The following ZNF778 variants were observed in gnomAD, a reference collection of about 807,000 sequenced individuals.
ZNF778 encodes the protein zinc finger protein 778.
ZNF778 carries 37 observed loss-of-function variants against 23.9 expected under a neutral mutation model. The observed-to-expected ratio is 1.54, with a 90% CI of 1.19 to 2.03. The LOEUF (loss-of-function observed/expected upper bound fraction) is 2.03. ZNF778 is among the 30% of genes most tolerant of loss of function. The pLI is 0.00. For missense variants in ZNF778, 1,297 were observed against 934.4 expected, an observed-to-expected ratio of 1.39 and a Z score of -5.06; for synonymous variants, 483 against 343.9, an observed-to-expected ratio of 1.40 and a Z score of -4.48.
Position 89,235,290 on chromosome 16 carries a change from T to A in ZNF778, c.*6728T>A, listed in dbSNP as rs187783375. 5 of 152,052 alleles carry A rather than the reference T, an allele frequency of 3.3e-5. No homozygotes were observed. Among genetic ancestry groups the A allele is most frequent in the African/African-American group, 1.2e-4 (5 of 41,490 alleles). The allele number at this position is 152,052 out of a possible 1,614,324, so 9.4% of individuals were successfully genotyped here. A position where few individuals can be genotyped will look rare whatever the true frequency, so the allele number is the denominator to read the frequency against. On this transcript the variant is annotated 3_prime_UTR_variant, in exon 7 of 7. Transcript: ENST00000433976. ...CTGACTTCCGTTTTCACACAACGAG[T>A]GGGAAACAGGTGTCCTAACACTGTG...
chr16:89,222,092 G>T lies in ZNF778; in HGVS notation c.26G>T (p.Gly9Val), dbSNP rs2031012085. 6.3e-7 allele frequency: 1 copy of T among 1,589,776 alleles called. No homozygotes were observed. Among genetic ancestry groups the T allele is most frequent in the South Asian group, 1.1e-5 (1 of 88,906 alleles). Reference sequence around the variant, plus strand: ...CCTTCTTGCCTTCTTTGTTTTTTAGGAGGTCATGTTTCTAGGGACTCAGTC... The same window carrying T: ...CCTTCTTGCCTTCTTTGTTTTTTAGTAGGTCATGTTTCTAGGGACTCAGTC... Reference protein sequence around the residue: MAAPDLAHGGHVSRDSVCL... With the variant: MAAPDLAHVGHVSRDSVCL... Residue 9 changes from glycine to valine, a missense_variant and splice_region_variant, in exon 3 of 7, where the codon GGA (glycine) becomes GTA (valine). By Grantham distance (109) the Gly-to-Val change is moderately radical. Coordinates refer to ENST00000433976, the MANE Select transcript of ZNF778 (RefSeq NM_001201407.2).
At chr16:89,222,874 G>C (rs2031093616) in intron 3 of ZNF778, among the ~76,000 whole-genome samples, 1 of 151,238 alleles carries the variant, frequency 6.6e-6, no homozygotes, top group Non-Finnish European at 1.5e-5. Context: ...ACATGTTAGA[G>C]GTGTCGTTGC....
Position 89,227,149 on chromosome 16 carries a change from G to T in ZNF778, c.861G>T (p.Gly287=). 6.2e-7 allele frequency: 1 copy of T among 1,614,072 alleles called. No individual in the cohort carries two copies. The highest frequency in any genetic ancestry group is 8.5e-7 in the Non-Finnish European group (1 of 1,179,912). Residue 287 remains glycine (G), a synonymous_variant, in exon 7 of 7, where the codon GGG becomes GGT. Transcript: ENST00000433976. ...ATCCCCACGTATGTAGGGAATGTGG[G>T]AAGGCCTTTAGGTACACTGCCTACC... The part of the protein sequence containing the change: ...VRNPHVCREC[G]KAFRYTAYLT...
chr16:89,223,239 A>G lies in ZNF778; in HGVS notation c.200A>G (p.Tyr67Cys), dbSNP rs757972613. ...CTGGACCCATCTCAGAGAGACCTCT[A>G]CAGAGATGTGATGCTGGAAAACTAC... is the stretch of plus-strand genomic sequence containing the variant. Reference protein sequence around the residue: ...TLLDPSQRDLYRDVMLENYEN... With the variant: ...TLLDPSQRDLCRDVMLENYEN... Residue 67 changes from tyrosine (Y) to cysteine (C), a missense_variant, in exon 4 of 7, where the codon TAC (tyrosine) becomes TGC (cysteine). Physicochemically the swap from Tyr to Cys is radical, Grantham distance 194 (BLOSUM62 -2). Coordinates refer to ENST00000433976, the MANE Select transcript of ZNF778 (RefSeq NM_001201407.2). The G allele has an allele frequency of 2.5e-6, 4 of 1,613,978 alleles. No homozygotes were observed. Among genetic ancestry groups the G allele is most frequent in the Admixed American group, 3.3e-5 (2 of 59,972 alleles).
chr16:89,221,726 T>C (rs1183230659), intron 2 of ZNF778, among the ~76,000 whole-genome samples: 1 of 151,776 alleles, frequency 6.6e-6, no homozygotes, highest in Non-Finnish European at 1.5e-5. Flanking sequence ...TGTATGGCTG[T>C]GTGTGTCTTT....
rs2031753034 is a variant in ZNF778, at chr16:89,229,028, A to C, written c.*466A>C. 1.0e-6 allele frequency: 1 copy of C among 991,564 alleles called. No individual in the cohort carries two copies. Among genetic ancestry groups the C allele is most frequent in the South Asian group, 4.6e-5 (1 of 21,818 alleles). 61.4% of individuals were successfully genotyped at this position (991,564 alleles called of 1,614,324 possible). A position where few individuals can be genotyped will look rare whatever the true frequency, so the allele number is the denominator to read the frequency against. ...TTCTAAAACCTTGTGGGCTAACTTG[A>C]GACATGTCTTTCTGGGGGTTCTGTA... On this transcript the variant is annotated 3_prime_UTR_variant, in exon 7 of 7. Coordinates refer to ENST00000433976, the MANE Select transcript of ZNF778 (RefSeq NM_001201407.2).
At chr16:89,223,854 A>G (rs1201072634) in intron 4 of ZNF778, among the ~76,000 whole-genome samples, 2 of 142,932 alleles carry the variant, frequency 1.4e-5, no homozygotes, top group Non-Finnish European at 3.1e-5. Flanking sequence ...AGCCTGGGTG[A>G]CAGAGCGAGA....
Position 89,236,081 on chromosome 16 carries a change from G to A in ZNF778, c.*7519G>A, listed in dbSNP as rs1415076010. 1 of 152,180 alleles carries A rather than the reference G, an allele frequency of 6.6e-6. No individual in the cohort carries two copies. Among genetic ancestry groups the A allele is most frequent in the Non-Finnish European group, 1.5e-5 (1 of 68,058 alleles). The allele number at this position is 152,180 out of a possible 1,614,324, so 9.4% of individuals were successfully genotyped here. A position where few individuals can be genotyped will look rare whatever the true frequency, so the allele number is the denominator to read the frequency against. On this transcript the variant is annotated 3_prime_UTR_variant, in exon 7 of 7. Coordinates refer to ENST00000433976, the MANE Select transcript of ZNF778 (RefSeq NM_001201407.2). ...AGTCCCAGCTACTGGGGAGGCTGAG[G>A]CAGGAGAATGGCGTGAACCCGGGAG...
intron 2 of ZNF778, among the ~76,000 whole-genome samples, chr16:89,221,582 GC>G (rs1567497125): frequency 1.2e-4 from 10 of 85,184 alleles, no homozygotes; most frequent in Admixed American, 9.0e-4. Context: ...GCACTGTATG[GC>G]TGTGTGTGTG....
rs759970002 is a variant in ZNF778 at position 89,221,056 on chromosome 16, A to G, written c.-72A>G. 74 of 1,530,080 alleles carry G rather than the reference A, an allele frequency of 4.8e-5. No homozygotes were observed. The highest frequency in any genetic ancestry group is 1.7e-4 in the Middle Eastern group (1 of 5,932). 94.8% of individuals were successfully genotyped at this position (1,530,080 alleles called of 1,614,324 possible). A position where few individuals can be genotyped will look rare whatever the true frequency, so the allele number is the denominator to read the frequency against. On this transcript the variant is annotated 5_prime_UTR_variant, in exon 2 of 7. Transcript: ENST00000433976. ...AATGGAGACTGTACCTTCCACATAG[A>G]TTCACAAGCTGCCCTGCAGTGGCCT...
In ZNF778 at chr16:89,228,438, A is replaced by G. The variant is rs2031702855; in HGVS notation, c.2150A>G (p.Lys717Arg). 1 of 1,613,978 alleles carries G rather than the reference A, an allele frequency of 6.2e-7. No homozygotes were observed. Among genetic ancestry groups the G allele is most frequent in the South Asian group, 1.1e-5 (1 of 91,066 alleles). ...GCATACAATAGGTTTTATCTACTAAAAGAACATTTAAAAACTTACACTGAA... is the reference window on the plus strand; with the variant it reads ...GCATACAATAGGTTTTATCTACTAAGAGAACATTTAAAAACTTACACTGAA... ...GKAYNRFYLLKEHLKTYTEEQ... is the reference protein window; with the variant it reads ...GKAYNRFYLLREHLKTYTEEQ... Residue 717 changes from lysine (K) to arginine (R), a missense_variant, in exon 7 of 7, where the codon AAA becomes AGA. Transcript: ENST00000433976.
In ZNF778 at chr16:89,230,176, C is replaced by T. The variant is rs2031840641; in HGVS notation, c.*1614C>T. On this transcript the variant is annotated 3_prime_UTR_variant, in exon 7 of 7. Transcript: ENST00000433976. ...TATGAAAATGCCCTTGTTCCTCTCC[C>T]ATACCTGATCCCTTCAGATAAAACA... The T allele has an allele frequency of 4.2e-6, 2 of 479,302 alleles. No homozygotes were observed. The highest frequency in any genetic ancestry group is 1.8e-4 in the South Asian group (2 of 10,956). The allele number at this position is 479,302 out of a possible 1,614,324, so 29.7% of individuals were successfully genotyped here. A position where few individuals can be genotyped will look rare whatever the true frequency, so the allele number is the denominator to read the frequency against.
Position 89,232,969 on chromosome 16 carries a change from G to A in ZNF778, c.*4407G>A, listed in dbSNP as rs1216918223. 7.9e-6 allele frequency: 10 copies of A among 1,264,802 alleles called. No individual in the cohort carries two copies. The highest frequency in any genetic ancestry group is 1.6e-5 in the African/African-American group (1 of 64,104). 78.3% of individuals were successfully genotyped at this position (1,264,802 alleles called of 1,614,324 possible). A position where few individuals can be genotyped will look rare whatever the true frequency, so the allele number is the denominator to read the frequency against. Reference sequence around the variant, plus strand: ...ATGCAACTCAGCTCGCTCTGCGTATGCAACTGAGCTCGCTCTGCGTATGCA... The same window carrying A: ...ATGCAACTCAGCTCGCTCTGCGTATACAACTGAGCTCGCTCTGCGTATGCA... On this transcript the variant is annotated 3_prime_UTR_variant, in exon 7 of 7. Coordinates refer to ENST00000433976, the MANE Select transcript of ZNF778 (RefSeq NM_001201407.2).
rs773089149 is a variant in ZNF778 at position 89,223,267 on chromosome 16, G to T, written c.228G>T (p.Glu76Asp). 6.2e-7 allele frequency: 1 copy of T among 1,613,756 alleles called. No individual in the cohort carries two copies. The highest frequency in any genetic ancestry group is 8.5e-7 in the Non-Finnish European group (1 of 1,179,946). Residue 76 changes from glutamate to aspartate, a missense_variant, in exon 4 of 7, where the codon GAG (glutamate) becomes GAT (aspartate). By Grantham distance (45) the Glu-to-Asp change is conservative. Coordinates refer to ENST00000433976, the MANE Select transcript of ZNF778 (RefSeq NM_001201407.2). ...GAGATGTGATGCTGGAAAACTACGA[G>T]AACCTGGCCTCAGTAGGTGAGGCTG... is the stretch of plus-strand genomic sequence containing the variant. ...LYRDVMLENYENLASVGHHLF... is the reference protein window; with the variant it reads ...LYRDVMLENYDNLASVGHHLF...
chr16:89,232,931 C>CAGCT lies in ZNF778; in HGVS notation c.*4369_*4370insAGCT. 7.9e-7 allele frequency: 1 copy of CAGCT among 1,269,200 alleles called. No homozygotes were observed. Among genetic ancestry groups the CAGCT allele is most frequent in the African/African-American group, 1.6e-5 (1 of 64,112 alleles). The allele number at this position is 1,269,200 out of a possible 1,614,324, so 78.6% of individuals were successfully genotyped here. On this transcript the variant is annotated 3_prime_UTR_variant, in exon 7 of 7. Transcript: ENST00000433976. ...CTCAACTCGCACTGCGTATGCGAAT[C>CAGCT]CACTCACTGCCTATGCAACTCAGCT... is the stretch of plus-strand genomic sequence containing the variant.
In ZNF778 at chr16:89,233,906, A is replaced by G. The variant is rs1485886097; in HGVS notation, c.*5344A>G. On this transcript the variant is annotated 3_prime_UTR_variant, in exon 7 of 7. Coordinates refer to ENST00000433976, the MANE Select transcript of ZNF778 (RefSeq NM_001201407.2). ...TTCTCCTCCCTGAAGTCAGCCCAGGATGAGGCACTAGACAGCAGGACATGC... is the reference window on the plus strand; with the variant it reads ...TTCTCCTCCCTGAAGTCAGCCCAGGGTGAGGCACTAGACAGCAGGACATGC... 1 of 1,289,534 alleles carries G rather than the reference A, an allele frequency of 7.8e-7. No homozygotes were observed. The highest frequency in any genetic ancestry group is 2.3e-5 in the Admixed American group (1 of 43,580). 79.9% of individuals were successfully genotyped at this position (1,289,534 alleles called of 1,614,324 possible). A position where few individuals can be genotyped will look rare whatever the true frequency, so the allele number is the denominator to read the frequency against.
intron 1 of ZNF778, among the ~76,000 whole-genome samples, chr16:89,220,429 G>A (rs775815412): frequency 6.6e-6 from 1 of 152,164 alleles, no homozygotes; most frequent in Non-Finnish European, 1.5e-5. Flanking sequence ...AGGCCGAGGT[G>A]GGCGGATCAC....
At chr16:89,218,215 T>A (rs982096378) in intron 1 of ZNF778, 2 of 152,256 alleles carry the variant, frequency 1.3e-5, no homozygotes, top group African/African-American at 4.8e-5. Flanking sequence ...TTCGACTAAC[T>A]GTATTTTTTC....
At chr16:89,219,266 C>T (rs1345654983) in intron 1 of ZNF778, among the ~76,000 whole-genome samples, 1 of 152,194 alleles carries the variant, frequency 6.6e-6, no homozygotes, top group African/African-American at 2.4e-5. Context: ...TGTCTTTTCA[C>T]CTAGAACAAC....
Sources: allele counts gnomAD v4.1 joint callset (sites outside exome capture counted in the v4.1 genomes callset), GRCh38; gene constraint gnomAD v4.1.1; transcripts MANE v1.5; gene names NCBI Gene and HGNC (gene_info 2026-07-23, HGNC 2026-07-21).